The following EMILIN2 variants were observed in gnomAD, a reference collection of about 807,000 sequenced individuals.
EMILIN2 encodes EMILIN-2.
EMILIN2 carries 71 observed loss-of-function variants against 87.1 expected under a neutral mutation model. The observed-to-expected ratio is 0.82, with a 90% CI of 0.67 to 0.99. The LOEUF (loss-of-function observed/expected upper bound fraction) is 0.99, where lower values mean the gene tolerates loss of function less well. Among genes scored for constraint, EMILIN2 ranks in the 50% least tolerant of loss-of-function variants. The pLI, the probability that EMILIN2 is intolerant of heterozygous loss-of-function variation, is 0.00. For missense variants in EMILIN2, 1,407 were observed against 1,371.8 expected (o/e 1.03, Z -0.40); for synonymous variants, 581 against 563.4 (o/e 1.03, Z -0.44).
intron 2 of EMILIN2, among the ~76,000 whole-genome samples, chr18:2,865,329 T>A (rs1183618344): frequency 1.3e-5 from 2 of 152,204 alleles, no homozygotes; most frequent in Non-Finnish European, 2.9e-5. Context: ...TGCTCTGTTT[T>A]TCCCCATCTT....
At chr18:2,908,528 C>A (rs1460327951) in intron 5 of EMILIN2, among the ~76,000 whole-genome samples, 2 of 152,242 alleles carry the variant, frequency 1.3e-5, no homozygotes, top group Admixed American at 1.3e-4. Flanking sequence ...CTTCTGCACC[C>A]ACCCATCCAT....
At chr18:2,871,140 A>G (rs993760966) in intron 2 of EMILIN2, among the ~76,000 whole-genome samples, 7 of 152,156 alleles carry the variant, frequency 4.6e-5, no homozygotes, top group African/African-American at 1.7e-4. Context: ...TCTGGGGGGC[A>G]CACAATTCAG....
chr18:2,867,011 A>G (rs1206350880), intron 2 of EMILIN2, among the ~76,000 whole-genome samples: 1 of 152,154 alleles, frequency 6.6e-6, no homozygotes, highest in Non-Finnish European at 1.5e-5. Flanking sequence ...ATTGACTTGC[A>G]TATGTGAAAC....
At chr18:2,865,791 A>G (rs2076683539) in intron 2 of EMILIN2, among the ~76,000 whole-genome samples, 1 of 152,206 alleles carries the variant, frequency 6.6e-6, no homozygotes, top group South Asian at 2.1e-4. Flanking sequence ...TTGTTTGGCT[A>G]TGCCCTGCCC....
At chr18:2,846,868 C>T (rs937253048), upstream of EMILIN2, 2 of 985,006 alleles carry the variant, frequency 2.0e-6, no homozygotes, top group South Asian at 9.4e-5. The surrounding 1 kb of genome is among the most constrained non-coding windows in gnomAD (Gnocchi z 5.3). Context: ...TGCCGAGAAG[C>T]GAAGGGACTG....
At chr18:2,906,048 T>G (rs1182635898) in intron 4 of EMILIN2, among the ~76,000 whole-genome samples, 2 of 152,176 alleles carry the variant, frequency 1.3e-5, no homozygotes, top group Non-Finnish European at 2.9e-5. Context: ...GGCACCAGGC[T>G]GACGGGGGCG....
chr18:2,877,906 G>A (rs988099135), intron 2 of EMILIN2, among the ~76,000 whole-genome samples: 3 of 152,178 alleles, frequency 2.0e-5, no homozygotes, highest in African/African-American at 7.2e-5. Context: ...CTGTGACCTG[G>A]ATGAGCCTTA....
chr18:2,869,596 A>C (rs2076708519), intron 2 of EMILIN2, among the ~76,000 whole-genome samples: 1 of 151,698 alleles, frequency 6.6e-6, no homozygotes. Flanking sequence ...AGTATGTATC[A>C]GTAGCTGATT....
chr18:2,871,616 A>G (rs2076720383), intron 2 of EMILIN2, among the ~76,000 whole-genome samples: 1 of 152,148 alleles, frequency 6.6e-6, no homozygotes, highest in Admixed American at 6.5e-5. Flanking sequence ...CTGAGCGGGG[A>G]TCTGTGTGCT....
rs188568510 is a variant in EMILIN2, at chr18:2,903,541, C to A, written c.2360-3242C>A. Among the ~76,000 whole-genome samples, 5 of 146,804 alleles carry A rather than the reference C, an allele frequency of 3.4e-5. No homozygotes were observed. The East Asian group carries it at 5.8e-4, about 17-fold the overall frequency. The stretch of plus-strand genomic sequence containing the variant: ...ATCAGCTTTAGACATTGTATATTGA[C>A]CCCCCCTTCCTCCCAATTCCCAACA... On this transcript the variant is annotated intron_variant, in intron 4 of 7. Coordinates refer to ENST00000254528, the MANE Select transcript of EMILIN2 (RefSeq NM_032048.3).
intron 2 of EMILIN2, among the ~76,000 whole-genome samples, chr18:2,868,641 C>A (rs148776301): frequency 6.6e-6 from 1 of 152,234 alleles, no homozygotes; most frequent in African/African-American, 2.4e-5. Flanking sequence ...CAAAAAAATA[C>A]GAAAACCAGT....
intron 2 of EMILIN2, among the ~76,000 whole-genome samples, chr18:2,884,001 G>C (rs931696390): frequency 6.6e-6 from 1 of 152,102 alleles, no homozygotes. Context: ...TGTCACCCAG[G>C]CTGGAGTGCA....
At chr18:2,874,137 A>G (rs2144001456) in intron 2 of EMILIN2, among the ~76,000 whole-genome samples, 1 of 151,698 alleles carries the variant, frequency 6.6e-6, no homozygotes, top group African/African-American at 2.4e-5. Context: ...CCGCATGGCC[A>G]CCTCCTCCAT....
At chr18:2,856,736 AC>A (rs1440519940) in intron 2 of EMILIN2, among the ~76,000 whole-genome samples, 1 of 152,156 alleles carries the variant, frequency 6.6e-6, no homozygotes, top group Non-Finnish European at 1.5e-5. Context: ...AGCGTTAACT[AC>A]TTCCATCCTT....
chr18:2,902,823 T>C (rs532514099), intron 4 of EMILIN2, among the ~76,000 whole-genome samples: 3 of 151,884 alleles, frequency 2.0e-5, no homozygotes, highest in South Asian at 2.1e-4. Context: ...AACAAATTTG[T>C]GTGTGAAGGA....
Position 2,847,410 on chromosome 18 carries a change from G to C in EMILIN2, c.134+88G>C. The C allele has an allele frequency of 1.7e-6, 2 of 1,191,964 alleles. No individual in the cohort carries two copies. Among genetic ancestry groups the C allele is most frequent in the South Asian group, 3.1e-5 (1 of 32,082 alleles). 73.8% of individuals were successfully genotyped at this position (1,191,964 alleles called of 1,614,324 possible). ...CCAGAGCTGCCCTGCCAAAGACGAC[G>C]AGCGGCAGCCGGGGGCCTCCCTTGG... On this transcript the variant is annotated intron_variant, in intron 1 of 7. Coordinates refer to ENST00000254528, the MANE Select transcript of EMILIN2 (RefSeq NM_032048.3). This position sits in a 1 kb window ranked among gnomAD's most constrained non-coding sequence, Gnocchi z 4.5.
At chr18:2,870,102 G>A (rs372273232) in intron 2 of EMILIN2, among the ~76,000 whole-genome samples, 9 of 152,062 alleles carry the variant, frequency 5.9e-5, no homozygotes, top group Non-Finnish European at 8.8e-5. Context: ...TTAGCTGGGC[G>A]TGGTGGTGCA....
chr18:2,880,807 G>A lies in EMILIN2; in HGVS notation c.258-4157G>A, dbSNP rs115356642. On this transcript the variant is annotated intron_variant, in intron 2 of 7. Transcript: ENST00000254528. This position sits in a 1 kb window ranked among gnomAD's most constrained non-coding sequence, Gnocchi z 4.1. ...GCCTGGTCCTCTTAGGAGGGTGGCC[G>A]ATTCCCTGAAGGGAGGAAGTGGGTC... Among the ~76,000 whole-genome samples, 2,054 of 152,278 alleles carry A rather than the reference G, an allele frequency of 0.013. 49 individuals are homozygous for A. Among genetic ancestry groups the A allele is most frequent in the African/African-American group, 0.046 (1,928 of 41,544 alleles).
chr18:2,890,829 G>A lies in EMILIN2; in HGVS notation c.702G>A (p.Lys234=). The A allele has an allele frequency of 1.2e-6, 2 of 1,613,854 alleles. No homozygotes were observed. The stretch of plus-strand genomic sequence containing the variant: ...CAGGGCTCAGCAGCCAGCACCCCAA[G>A]CCTGACACCACTGTTAGTGGAGACA... ...RAPGLSSQHP[K]PDTTVSGDTE... is the part of the protein sequence containing the mutation. The change falls in exon 4 of 8, where the codon AAG becomes AAA. Residue 234 remains lysine, a synonymous_variant. Transcript: ENST00000254528. This position sits in a 1 kb window ranked among gnomAD's most constrained non-coding sequence, Gnocchi z 4.7.
Sources: allele counts gnomAD v4.1 joint callset (sites outside exome capture counted in the v4.1 genomes callset), GRCh38; gene constraint gnomAD v4.1.1; non-coding constraint Gnocchi (gnomAD v3.1); transcripts MANE v1.5; gene names NCBI Gene and HGNC (gene_info 2026-07-23, HGNC 2026-07-21).